The following FAAH2 variants were observed in gnomAD, a reference collection of about 807,000 sequenced individuals.
FAAH2 encodes fatty acid amide hydrolase 2, also known as fatty-acid amide hydrolase 2.
A neutral mutation model predicts 36.9 loss-of-function variants in FAAH2; 60 were observed. That is an observed-to-expected ratio of 1.63 (90% confidence interval 1.32 to 2.02). The LOEUF (loss-of-function observed/expected upper bound fraction) is 2.02. FAAH2 is among the 30% of genes most tolerant of loss of function. FAAH2 has a pLI of 0.00. For missense variants in FAAH2, 689 were observed against 397.5 expected (o/e 1.73, Z -6.23); for synonymous variants, 214 against 143.8 (o/e 1.49, Z -3.49).
chrX:57,243,435 C>A, the FAAH2 span, among the ~76,000 whole-genome samples: 15 of 112,185 alleles, frequency 1.3e-4, no homozygotes, highest in Non-Finnish European at 2.6e-4. Flanking sequence ...GTCCATAACC[C>A]CCATGCCTCC....
chrX:57,175,500 G>A, the FAAH2 span, among the ~76,000 whole-genome samples: 3 of 111,680 alleles, frequency 2.7e-5, no homozygotes, highest in African/African-American at 9.7e-5. Flanking sequence ...CAGATATTTG[G>A]TTTGTAACTT....
At chrX:57,323,938 T>G (rs2053124083) in intron 3 of FAAH2, among the ~76,000 whole-genome samples, 1 of 111,380 alleles carries the variant, frequency 9.0e-6, no homozygotes, top group South Asian at 3.8e-4. Flanking sequence ...TGAATGGTAT[T>G]GCCTAGGTTT....
At chrX:57,172,149 T>A in the FAAH2 span, among the ~76,000 whole-genome samples, 32 of 112,464 alleles carry the variant, frequency 2.8e-4, 1 homozygote, top group African/African-American at 1.0e-3. Context: ...TTTTGGTTGC[T>A]ATAGCCTTGT....
chrX:57,487,829 A>G (rs1239111769), intron 10 of FAAH2, among the ~76,000 whole-genome samples: 1 of 112,053 alleles, frequency 8.9e-6, no homozygotes, highest in Non-Finnish European at 1.9e-5. Context: ...ACATAAACAA[A>G]TGTGTAATTA....
intron 7 of FAAH2, among the ~76,000 whole-genome samples, chrX:57,416,070 A>G (rs770719671): frequency 9.0e-6 from 1 of 110,568 alleles, no homozygotes; most frequent in African/African-American, 3.3e-5. Flanking sequence ...TTTGCTTTCC[A>G]TTTGCTAGGT....
At chrX:57,287,414 T>A (rs1028421812) in intron 1 of FAAH2, among the ~76,000 whole-genome samples, 1 of 111,370 alleles carries the variant, frequency 9.0e-6, no homozygotes, top group Non-Finnish European at 1.9e-5. Context: ...AACCTGCTGC[T>A]TACCATTCAA....
At chrX:57,290,275 G>T (rs1053670447) in intron 1 of FAAH2, 1 of 750,993 alleles carries the variant, frequency 1.3e-6, no homozygotes. Context: ...GATCTTTGGG[G>T]TTGTATACGT....
At chrX:57,177,577 AATATATATATATATATATATATAT>A in the FAAH2 span, among the ~76,000 whole-genome samples, 4 of 34,790 alleles carry the variant, frequency 1.1e-4, no homozygotes, top group South Asian at 4.8e-3. Flanking sequence ...TCAAAATTTA[AATATATATATATATATATATATAT>A]ATATATATAT....
intron 5 of FAAH2, among the ~76,000 whole-genome samples, chrX:57,374,812 T>G (rs1277708299): frequency 9.0e-6 from 1 of 111,252 alleles, no homozygotes; most frequent in Non-Finnish European, 1.9e-5. Flanking sequence ...TGCTTTCTAC[T>G]TTTCCCCGTT....
At chrX:57,335,152 C>G (rs1303549009) in intron 4 of FAAH2, among the ~76,000 whole-genome samples, 2 of 110,764 alleles carry the variant, frequency 1.8e-5, no homozygotes, top group Non-Finnish European at 1.9e-5. Flanking sequence ...CAAACAGTCT[C>G]TCAGATTACA....
chrX:57,166,401 A>G, the FAAH2 span, among the ~76,000 whole-genome samples: 1 of 111,792 alleles, frequency 8.9e-6, no homozygotes, highest in South Asian at 3.8e-4. Flanking sequence ...GAAAGAGTCC[A>G]CTGTAATACA....
At chrX:57,211,059 G>T in the FAAH2 span, among the ~76,000 whole-genome samples, 1 of 112,224 alleles carries the variant, frequency 8.9e-6, no homozygotes, top group Non-Finnish European at 1.9e-5. Context: ...GGAAGTCTAT[G>T]CTGATTGACA....
intron 7 of FAAH2, among the ~76,000 whole-genome samples, chrX:57,419,153 T>G (rs2055935152): frequency 9.1e-6 from 1 of 110,355 alleles, no homozygotes; most frequent in Non-Finnish European, 1.9e-5. Context: ...GTCTTTGCTA[T>G]TGTGAATAGT....
In FAAH2 at chrX:57,469,744, C is replaced by T. The variant is rs181668430; in HGVS notation, c.1424-19013C>T. Among the ~76,000 whole-genome samples the T allele has an allele frequency of 5.4e-5, 6 of 111,637 alleles. No homozygotes were observed. In the East Asian group the frequency reaches 8.4e-4, roughly 16 times the overall value. On this transcript the variant is annotated intron_variant, in intron 10 of 10. Transcript: ENST00000374900. ...TAATTGAACTCAGCTCTGCACCAAG[C>T]GGACCTAATAGACATCCACAGAAGT...
chrX:57,382,689 C>T (rs2054887164), intron 7 of FAAH2, among the ~76,000 whole-genome samples: 1 of 111,410 alleles, frequency 9.0e-6, no homozygotes, highest in Non-Finnish European at 1.9e-5. Flanking sequence ...AATTAATAGC[C>T]TAGCAACCAA....
At chrX:57,477,446 T>C (rs1328278185) in intron 10 of FAAH2, among the ~76,000 whole-genome samples, 4 of 111,130 alleles carry the variant, frequency 3.6e-5, no homozygotes, top group African/African-American at 6.5e-5. Flanking sequence ...GTTTTTGTTT[T>C]GATTTATACT....
the FAAH2 span, among the ~76,000 whole-genome samples, chrX:57,260,625 A>G: frequency 1.8e-5 from 2 of 112,040 alleles, no homozygotes; most frequent in Non-Finnish European, 3.8e-5. Flanking sequence ...ATGGCAAAAC[A>G]TGTATTTAGC....
intron 2 of FAAH2, among the ~76,000 whole-genome samples, chrX:57,302,131 G>A (rs755978057): frequency 1.8e-5 from 2 of 111,314 alleles, no homozygotes; most frequent in Admixed American, 9.6e-5. Context: ...AAATGGTCAC[G>A]GCAAACTTTC....
the FAAH2 span, among the ~76,000 whole-genome samples, chrX:57,164,770 T>C: frequency 3.5e-5 from 4 of 112,749 alleles, no homozygotes; most frequent in East Asian, 5.5e-4. Flanking sequence ...ACACATTTTG[T>C]AAAAATAATA....
Sources: allele counts gnomAD v4.1 joint callset (sites outside exome capture counted in the v4.1 genomes callset), GRCh38; gene constraint gnomAD v4.1.1; transcripts MANE v1.5; gene names NCBI Gene and HGNC (gene_info 2026-07-23, HGNC 2026-07-21).